The following GRIN2A variants were observed in gnomAD, a reference collection of about 807,000 sequenced individuals.
GRIN2A encodes the protein glutamate ionotropic receptor NMDA type subunit 2A.
In GRIN2A, 22 loss-of-function variants were observed where a neutral mutation model predicts 113.4. The ratio of observed to expected loss-of-function variants is 0.19; its 90% confidence interval spans 0.14 to 0.28. The LOEUF is 0.28. Ranked by LOEUF, GRIN2A falls within the 10% of genes least tolerant of loss-of-function variation. GRIN2A has a pLI of 1.00. For synonymous variants in GRIN2A, 827 were observed against 738.4 expected, an observed-to-expected ratio of 1.12 and a Z score of -1.94; for missense variants, 1,502 against 1,887.0, an observed-to-expected ratio of 0.80 and a Z score of 3.78.
intron 3 of GRIN2A, among the ~76,000 whole-genome samples, chr16:9,892,754 C>T (rs867289355): frequency 6.6e-6 from 1 of 152,080 alleles, no homozygotes; most frequent in Non-Finnish European, 1.5e-5. Context: ...GGGATCCGCT[C>T]TCCTTGCAGC....
chr16:10,030,414 C>A (rs1374984421), intron 2 of GRIN2A, among the ~76,000 whole-genome samples: 1 of 152,144 alleles, frequency 6.6e-6, no homozygotes, highest in African/African-American at 2.4e-5. Flanking sequence ...CGTGTGGCTG[C>A]TGTGTCCAGT....
At chr16:9,833,649 A>G (rs991453954) in intron 8 of GRIN2A, among the ~76,000 whole-genome samples, 1 of 152,208 alleles carries the variant, frequency 6.6e-6, no homozygotes, top group Non-Finnish European at 1.5e-5. Flanking sequence ...CATAAACCAT[A>G]CTTTTCTGGT....
chr16:10,039,805 G>GA (rs2047113507), intron 2 of GRIN2A, among the ~76,000 whole-genome samples: 1 of 108,442 alleles, frequency 9.2e-6, no homozygotes, highest in Non-Finnish European at 2.0e-5. Context: ...AGGGGGAGGG[G>GA]GGGGAGAAAG....
intron 2 of GRIN2A, among the ~76,000 whole-genome samples, chr16:10,041,851 T>C (rs1488782120): frequency 1.3e-5 from 2 of 152,222 alleles, no homozygotes; most frequent in Admixed American, 6.5e-5. Flanking sequence ...ATATGCTAAT[T>C]GGAAGTAAAC....
chr16:10,112,224 C>A, intron 2 of GRIN2A: 2 of 605,964 alleles, frequency 3.3e-6, no homozygotes, highest in South Asian at 3.4e-5. Context: ...CTCGGTGTAT[C>A]AAATCACCAT....
chr16:10,048,528 T>C (rs1417242420), intron 2 of GRIN2A, among the ~76,000 whole-genome samples: 1 of 152,246 alleles, frequency 6.6e-6, no homozygotes, highest in East Asian at 1.9e-4. Flanking sequence ...TGCAAACTGC[T>C]TGGATTCCTC....
At chr16:10,144,632 T>C (rs1015769190) in intron 2 of GRIN2A, among the ~76,000 whole-genome samples, 8 of 152,188 alleles carry the variant, frequency 5.3e-5, no homozygotes, top group African/African-American at 1.7e-4. Flanking sequence ...ATTCTGTTGA[T>C]TGTTTCCTTT....
At chr16:10,138,595 A>T (rs1013407388) in intron 2 of GRIN2A, among the ~76,000 whole-genome samples, 2 of 151,986 alleles carry the variant, frequency 1.3e-5, no homozygotes, top group African/African-American at 4.8e-5. Flanking sequence ...ACACGTGGGG[A>T]TTACAATTTG....
At chr16:10,146,094 G>A (rs149067945) in intron 2 of GRIN2A, among the ~76,000 whole-genome samples, 163 of 152,246 alleles carry the variant, frequency 1.1e-3, no homozygotes, top group African/African-American at 3.5e-3. Flanking sequence ...ATGGGAGCAC[G>A]GATGCATATC....
At chr16:9,855,399 T>G (rs543025349) in intron 4 of GRIN2A, among the ~76,000 whole-genome samples, 78 of 152,228 alleles carry the variant, frequency 5.1e-4, no homozygotes, top group Non-Finnish European at 1.1e-3. Flanking sequence ...TATCATTAAT[T>G]CAACATTTGT....
In GRIN2A at chr16:9,966,562, G is replaced by A. The variant is rs183407976; in HGVS notation, c.415-28011C>T. 3.3e-5 allele frequency among the ~76,000 whole-genome samples: 5 copies of A among 152,270 alleles called. No individual in the cohort carries two copies. In the East Asian group the frequency reaches 9.6e-4, roughly 29 times the overall value. ...AGGTTGATTCCATATGTTTGCTATT[G>A]TGAACAGTCCTGCAAGAACATACAC... is the stretch of plus-strand genomic sequence containing the variant. On this transcript the variant is annotated intron_variant, in intron 2 of 12. Transcript: ENST00000330684.
intron 10 of GRIN2A, among the ~76,000 whole-genome samples, chr16:9,807,538 A>C (rs1462732339): frequency 6.6e-6 from 1 of 152,152 alleles, no homozygotes; most frequent in Non-Finnish European, 1.5e-5. Context: ...GATTGAAATG[A>C]TTGTCCAAGT....
At chr16:9,927,595 C>T (rs759069397) in intron 3 of GRIN2A, among the ~76,000 whole-genome samples, 2 of 152,192 alleles carry the variant, frequency 1.3e-5, no homozygotes, top group African/African-American at 2.4e-5. Flanking sequence ...AACTTGATTG[C>T]TACCTGCAGT....
chr16:10,034,536 A>G (rs34669855), intron 2 of GRIN2A, among the ~76,000 whole-genome samples: 1 of 47,458 alleles, frequency 2.1e-5, no homozygotes, highest in Non-Finnish European at 4.0e-5. Context: ...AAAAAAAAGC[A>G]AAAAAAAAAA....
intron 11 of GRIN2A, among the ~76,000 whole-genome samples, chr16:9,776,983 C>G (rs569817812): frequency 6.6e-6 from 1 of 152,164 alleles, no homozygotes; most frequent in African/African-American, 2.4e-5. Flanking sequence ...GCCCAGTTGT[C>G]CTGTAGATGA....
intron 2 of GRIN2A, among the ~76,000 whole-genome samples, chr16:10,058,975 T>C (rs567419672): frequency 6.6e-6 from 1 of 152,208 alleles, no homozygotes; most frequent in Non-Finnish European, 1.5e-5. Flanking sequence ...AAGGGGAGGT[T>C]CACCTGGTGT....
intron 2 of GRIN2A, among the ~76,000 whole-genome samples, chr16:10,078,287 C>T (rs930786464): frequency 6.6e-6 from 1 of 151,996 alleles, no homozygotes; most frequent in African/African-American, 2.4e-5. Context: ...CAGCCAAGTG[C>T]CTGGAACCGT....
intron 2 of GRIN2A, among the ~76,000 whole-genome samples, chr16:9,940,283 G>T (rs542745961): frequency 6.6e-6 from 1 of 152,122 alleles, no homozygotes; most frequent in Non-Finnish European, 1.5e-5. Flanking sequence ...AGTGAAGCAT[G>T]GCCTGAAGGC....
intron 2 of GRIN2A, among the ~76,000 whole-genome samples, chr16:10,164,481 C>G (rs2142335249): frequency 6.6e-6 from 1 of 152,310 alleles, no homozygotes; most frequent in South Asian, 2.1e-4. Flanking sequence ...GAACATGACT[C>G]CAGCCCAATT....
Sources: gnomAD v4.1 joint callset for allele counts (sites outside exome capture counted in the v4.1 genomes callset) on GRCh38, gnomAD v4.1.1 for gene constraint, MANE v1.5 for transcripts, NCBI Gene and HGNC (gene_info 2026-07-23, HGNC 2026-07-21) for gene names.